RTN4: variants seen among roughly 807,000 people sequenced by gnomAD.
The protein encoded by RTN4 is reticulon 4, also known as reticulon-4.
Under a neutral mutation model 90.4 loss-of-function variants are expected in RTN4, and 32 were observed. The ratio of observed to expected loss-of-function variants is 0.35; its 90% CI spans 0.27 to 0.48. The LOEUF is 0.48. RTN4 is among the 20% of genes least tolerant of loss of function. The pLI is 0.99. For missense variants in RTN4, 1,706 were observed against 1,430.2 expected, an observed-to-expected ratio of 1.19 and a Z score of -3.11; for synonymous variants, 629 against 552.5, an observed-to-expected ratio of 1.14 and a Z score of -1.94.
chr2:54,980,587 T>C (rs1238884458), intron 5 of RTN4, among the ~76,000 whole-genome samples: 1 of 152,226 alleles, frequency 6.6e-6, no homozygotes, highest in African/African-American at 2.4e-5. Context: ...CGAGGATGAC[T>C]TTTGGTGTAT....
intron 3 of RTN4, among the ~76,000 whole-genome samples, chr2:55,020,365 GA>G (rs1173579300): frequency 5.3e-5 from 8 of 150,440 alleles, no homozygotes; most frequent in African/African-American, 2.0e-4. Context: ...CAGACCAATG[GA>G]ACAGAACAGA....
chr2:55,070,078 C>A (rs1466280445), intron 2 of RTN4, among the ~76,000 whole-genome samples: 5 of 152,250 alleles, frequency 3.3e-5, no homozygotes, highest in Admixed American at 3.3e-4. Flanking sequence ...GCACCATTAA[C>A]CAAGGCAAAG....
At chr2:54,990,130 T>A (rs1389944871) in intron 3 of RTN4, among the ~76,000 whole-genome samples, 1 of 152,184 alleles carries the variant, frequency 6.6e-6, no homozygotes, top group Non-Finnish European at 1.5e-5. Context: ...TTCAGTTTCT[T>A]CATCTATAAA....
chr2:55,082,416 A>T (rs1386082267), intron 1 of RTN4, among the ~76,000 whole-genome samples: 2 of 152,182 alleles, frequency 1.3e-5, no homozygotes, highest in Non-Finnish European at 2.9e-5. Flanking sequence ...ACCACAAACC[A>T]AACTACCACA....
At chr2:55,042,974 T>A (rs1683173616) in intron 1 of RTN4, among the ~76,000 whole-genome samples, 1 of 152,184 alleles carries the variant, frequency 6.6e-6, no homozygotes, top group African/African-American at 2.4e-5. Flanking sequence ...TGAAAGCAAC[T>A]TAAAAATCAA....
At chr2:55,042,708 T>C (rs750605931) in intron 1 of RTN4, among the ~76,000 whole-genome samples, 25 of 152,210 alleles carry the variant, frequency 1.6e-4, no homozygotes, top group Non-Finnish European at 3.2e-4. Context: ...GAAGATATTA[T>C]AGTAATTCTA....
chr2:55,068,856 T>C (rs1438648835), intron 2 of RTN4, among the ~76,000 whole-genome samples: 1 of 152,246 alleles, frequency 6.6e-6, no homozygotes, highest in Non-Finnish European at 1.5e-5. Flanking sequence ...TTAATACTTT[T>C]TACTACTTTG....
At position 55,078,977 on chromosome 2, in the gene RTN4, C is replaced by T. The variant is rs530443680; in HGVS notation, c.-63+1512G>A. Among the ~76,000 whole-genome samples, 16 of 152,258 alleles carry T rather than the reference C, an allele frequency of 1.1e-4. No homozygotes were observed. The South Asian group carries it at 2.7e-3, about 26-fold the overall frequency. ...GAAATGGAAAATAGAGTAAGACAAA[C>T]GGGAGCCAGTAGACCTCTTAAGAGG... On this transcript the variant is annotated intron_variant, in intron 2 of 3. Transcript: ENST00000427710.
At chr2:55,064,451 A>C (rs1034701043) in intron 2 of RTN4, among the ~76,000 whole-genome samples, 4 of 150,584 alleles carry the variant, frequency 2.7e-5, no homozygotes, top group African/African-American at 4.9e-5. Context: ...CCCGGGTTCA[A>C]GCAGTTCTCC....
chr2:55,112,046 A>T (rs1353838755), intron 1 of RTN4, among the ~76,000 whole-genome samples: 1 of 152,100 alleles, frequency 6.6e-6, no homozygotes, highest in African/African-American at 2.4e-5. Context: ...CCTAGGCAAT[A>T]CCTTCCTATT....
upstream of RTN4, chr2:55,050,468 C>G (rs1338835442): frequency 2.4e-6 from 1 of 420,804 alleles, no homozygotes; most frequent in Non-Finnish European, 4.1e-6. This position sits in a 1 kb window ranked among gnomAD's most constrained non-coding sequence, Gnocchi z 4.6. Context: ...GCTCCTCCTG[C>G]CTCCGCGCCG....
In RTN4 at chr2:55,026,948, T is replaced by C; in HGVS notation, c.1151A>G (p.Tyr384Cys). ...TCGCTCAAATGGTTTGAAGTCTGCA[T>C]ATTCCTCCCTCATAGGAGCTTCCAC... ...VAVEAPMREE[Y>C]ADFKPFERVW... Residue 384 changes from tyrosine (Y) to cysteine (C), a missense_variant, in exon 3 of 9, where the codon TAT becomes TGT. Tyr to Cys is a radical substitution (Grantham distance 194). Coordinates refer to ENST00000337526, the MANE Select transcript of RTN4 (RefSeq NM_020532.5). The C allele has an allele frequency of 6.2e-7, 1 of 1,613,584 alleles. No individual in the cohort carries two copies. Among genetic ancestry groups the C allele is most frequent in the Non-Finnish European group, 8.5e-7 (1 of 1,179,894 alleles).
At chr2:55,004,138 T>G (rs1413049654) in intron 3 of RTN4, among the ~76,000 whole-genome samples, 1 of 152,174 alleles carries the variant, frequency 6.6e-6, no homozygotes, top group Non-Finnish European at 1.5e-5. Context: ...ATACCTGTAC[T>G]AAATGACTAA....
intron 1 of RTN4, among the ~76,000 whole-genome samples, chr2:55,030,736 C>T (rs995617689): frequency 3.3e-5 from 5 of 152,084 alleles, no homozygotes; most frequent in Non-Finnish European, 7.4e-5. Flanking sequence ...TATTTTTTGG[C>T]TAGGCTTCCT....
At position 55,061,256 on chromosome 2, in the gene RTN4, G is replaced by C. The variant is rs961617576; in HGVS notation, c.-63+19233C>G. On this transcript the variant is annotated intron_variant, in intron 2 of 3. Coordinates refer to the RTN4 transcript ENST00000427710. Reference sequence around the variant, plus strand: ...GATTTGTATTTTTAGTAGGGACGGGGTTTCACCATGTTGGCCAGGCTGGTC... The same window carrying C: ...GATTTGTATTTTTAGTAGGGACGGGCTTTCACCATGTTGGCCAGGCTGGTC... 2.6e-5 allele frequency among the ~76,000 whole-genome samples: 4 copies of C among 151,982 alleles called. No homozygotes were observed. In the East Asian group the frequency reaches 7.7e-4, roughly 29 times the overall value.
At chr2:55,132,636 C>A in the RTN4 span, among the ~76,000 whole-genome samples, 2 of 151,560 alleles carry the variant, frequency 1.3e-5, no homozygotes, top group East Asian at 3.9e-4. Flanking sequence ...ACATGGTATA[C>A]CCCTGTCTCT....
chr2:55,078,481 GA>G (rs1668644040), intron 2 of RTN4, among the ~76,000 whole-genome samples: 1 of 152,122 alleles, frequency 6.6e-6, no homozygotes, highest in Non-Finnish European at 1.5e-5. Flanking sequence ...ACATTATAGA[GA>G]AGAAAAAACA....
chr2:55,111,268 T>C (rs1381647527), intron 1 of RTN4, among the ~76,000 whole-genome samples: 3 of 152,060 alleles, frequency 2.0e-5, no homozygotes. Flanking sequence ...ACCTCACTCT[T>C]CCGAGATTTT....
chr2:55,037,843 A>G (rs1682796678), intron 1 of RTN4, among the ~76,000 whole-genome samples: 1 of 152,200 alleles, frequency 6.6e-6, no homozygotes, highest in Admixed American at 6.5e-5. Context: ...AAGACACAAA[A>G]CAATTTTGAA....
Sources: gnomAD v4.1 joint callset for allele counts (sites outside exome capture counted in the v4.1 genomes callset) on GRCh38, gnomAD v4.1.1 for gene constraint, Gnocchi (gnomAD v3.1) non-coding constraint, MANE v1.5 for transcripts, NCBI Gene and HGNC (gene_info 2026-07-23, HGNC 2026-07-21) for gene names.